Variants in ROBO2 observed in about 807,000 individuals in gnomAD.
The protein encoded by ROBO2 is roundabout homolog 2.
A neutral mutation model predicts 160.8 loss-of-function variants in ROBO2; 53 were observed. The ratio of observed to expected loss-of-function variants is 0.33; its 90% CI spans 0.26 to 0.41. ROBO2 has a LOEUF of 0.41. Ranked by LOEUF, ROBO2 falls within the 10% of genes least tolerant of loss-of-function variation. ROBO2 has a pLI of 1.00. For missense variants in ROBO2, 1,577 were observed against 1,722.4 expected (o/e 0.92, Z 1.49); for synonymous variants, 664 against 611.7 (o/e 1.09, Z -1.26).
intron 2 of ROBO2, among the ~76,000 whole-genome samples, chr3:76,899,091 G>T (rs1260772261): frequency 6.6e-6 from 1 of 151,978 alleles, no homozygotes; most frequent in East Asian, 1.9e-4. Context: ...CAATTCTTCT[G>T]CTTTCTCCAA....
intron 2 of ROBO2, among the ~76,000 whole-genome samples, chr3:76,084,629 C>A (rs2108050029): frequency 6.6e-6 from 1 of 152,240 alleles, no homozygotes; most frequent in Non-Finnish European, 1.5e-5. Flanking sequence ...ATTATAATAT[C>A]TGGCATGAAG....
At chr3:76,089,996 A>G (rs2069165734) in intron 2 of ROBO2, among the ~76,000 whole-genome samples, 3 of 152,348 alleles carry the variant, frequency 2.0e-5, no homozygotes, top group East Asian at 3.9e-4. Context: ...TAAGGCTAAT[A>G]TACAAAACTC....
intron 2 of ROBO2, among the ~76,000 whole-genome samples, chr3:76,703,266 G>A (rs930858036): frequency 5.3e-5 from 8 of 152,008 alleles, no homozygotes; most frequent in Non-Finnish European, 7.4e-5. Flanking sequence ...GACTTAGGTC[G>A]CAACATTACA....
At chr3:77,550,170 AAC>A (rs1373635660) in intron 7 of ROBO2, among the ~76,000 whole-genome samples, 2 of 152,058 alleles carry the variant, frequency 1.3e-5, no homozygotes, top group African/African-American at 4.8e-5. Flanking sequence ...TGTTTAAGGT[AAC>A]ACACTTTTAG....
At chr3:76,108,938 A>G (rs867347299) in intron 2 of ROBO2, among the ~76,000 whole-genome samples, 1 of 151,198 alleles carries the variant, frequency 6.6e-6, no homozygotes, top group African/African-American at 2.4e-5. Context: ...TATTGATTTT[A>G]GTTATATAAG....
Position 77,230,878 on chromosome 3 carries a change from A to G in ROBO2, c.388+132538A>G, listed in dbSNP as rs150344245. On this transcript the variant is annotated intron_variant, in intron 2 of 25. Coordinates refer to ENST00000461745, the Ensembl canonical transcript of ROBO2. Reference sequence around the variant, plus strand: ...TGCGATCTTTTTATGAAAATAATTAACTTAGCCTTTAGCGTATCTAGATTT... The same window carrying G: ...TGCGATCTTTTTATGAAAATAATTAGCTTAGCCTTTAGCGTATCTAGATTT... 3.0e-3 allele frequency among the ~76,000 whole-genome samples: 463 copies of G among 152,324 alleles called. 11 individuals are homozygous for G. The highest frequency in any genetic ancestry group is 0.027 in the Admixed American group (415 of 15,292).
intron 2 of ROBO2, among the ~76,000 whole-genome samples, chr3:76,476,558 ATATCT>A (rs2078940782): frequency 6.6e-6 from 1 of 152,202 alleles, no homozygotes; most frequent in Non-Finnish European, 1.5e-5. Flanking sequence ...ATTTGAAGAA[ATATCT>A]TATGGATAAA....
intron 2 of ROBO2, among the ~76,000 whole-genome samples, chr3:76,109,930 CTGAGT>C (rs1236242836): frequency 6.6e-6 from 1 of 151,764 alleles, no homozygotes; most frequent in African/African-American, 2.4e-5. Context: ...ATTTGACTTT[CTGAGT>C]TATTTCACTT....
intron 2 of ROBO2, among the ~76,000 whole-genome samples, chr3:76,751,084 G>T (rs2093977654): frequency 6.6e-6 from 1 of 152,042 alleles, no homozygotes; most frequent in Non-Finnish European, 1.5e-5. Flanking sequence ...CATGGTACTG[G>T]TACCAAAACA....
chr3:77,061,938 T>A (rs558010260), intron 1 of ROBO2, among the ~76,000 whole-genome samples: 1 of 152,212 alleles, frequency 6.6e-6, no homozygotes, highest in Non-Finnish European at 1.5e-5. Flanking sequence ...TTGTCAACAC[T>A]GATCTGGTTC....
At chr3:76,440,797 A>T (rs2076890774) in intron 2 of ROBO2, among the ~76,000 whole-genome samples, 1 of 152,040 alleles carries the variant, frequency 6.6e-6, no homozygotes, top group Admixed American at 6.6e-5. Flanking sequence ...GTATTTAAGG[A>T]AAACAGTCTT....
At position 76,843,162 on chromosome 3, in the gene ROBO2, T is replaced by C. The variant is rs910262195; in HGVS notation, c.110-254852T>C. On this transcript the variant is annotated intron_variant, in intron 2 of 26. Coordinates refer to the ROBO2 transcript ENST00000487694. ...CAATCACAGCATTGGCTCACAATTT[T>C]GTCCCTAATGATGTTTTGTTATATA... Among the ~76,000 whole-genome samples, 6 of 151,094 alleles carry C rather than the reference T, an allele frequency of 4.0e-5. No individual in the cohort carries two copies. In the East Asian group the frequency reaches 1.2e-3, roughly 29 times the overall value.
chr3:76,647,930 C>G (rs1034272431), intron 2 of ROBO2, among the ~76,000 whole-genome samples: 2 of 152,092 alleles, frequency 1.3e-5, no homozygotes, highest in African/African-American at 2.4e-5. Flanking sequence ...TTTATTTCCT[C>G]ATGACATTAG....
chr3:77,134,288 C>A (rs1219271281), intron 2 of ROBO2, among the ~76,000 whole-genome samples: 2 of 152,166 alleles, frequency 1.3e-5, no homozygotes, highest in African/African-American at 4.8e-5. Flanking sequence ...GATAGGTAAG[C>A]TTTTAAAAAC....
chr3:76,792,838 G>A (rs534779138), intron 2 of ROBO2, among the ~76,000 whole-genome samples: 24 of 151,706 alleles, frequency 1.6e-4, no homozygotes, highest in African/African-American at 5.8e-4. Flanking sequence ...TCTAAAATGA[G>A]GCTCAATAAT....
At chr3:76,154,135 A>G (rs559093704) in intron 2 of ROBO2, among the ~76,000 whole-genome samples, 1 of 152,270 alleles carries the variant, frequency 6.6e-6, no homozygotes, top group African/African-American at 2.4e-5. Context: ...TTGGAGATAC[A>G]TGAACAGATA....
chr3:77,337,862 T>C (rs1018571170), intron 2 of ROBO2, among the ~76,000 whole-genome samples: 92 of 152,256 alleles, frequency 6.0e-4, no homozygotes, highest in Admixed American at 1.0e-3. Context: ...AGTAAAATCA[T>C]TTTATTAGTC....
At chr3:76,195,523 G>T (rs1702220859) in intron 2 of ROBO2, among the ~76,000 whole-genome samples, 1 of 152,208 alleles carries the variant, frequency 6.6e-6, no homozygotes, top group African/African-American at 2.4e-5. Context: ...GGTTATAGAA[G>T]AATGTGATTA....
intron 2 of ROBO2, among the ~76,000 whole-genome samples, chr3:77,258,396 A>G (rs1440365838): frequency 2.0e-5 from 3 of 152,172 alleles, no homozygotes; most frequent in African/African-American, 7.2e-5. Context: ...TTCCTCCCCA[A>G]TATTTTTAAG....
Sources: allele counts gnomAD v4.1 joint callset (sites outside exome capture counted in the v4.1 genomes callset), GRCh38; gene constraint gnomAD v4.1.1; transcripts MANE v1.5; gene names NCBI Gene and HGNC (gene_info 2026-07-23, HGNC 2026-07-21).